Variants in SHTN1 observed in about 807,000 individuals in gnomAD.
SHTN1 encodes shootin 1.
In SHTN1, 42 loss-of-function variants were observed where a neutral mutation model predicts 83.1. The observed-to-expected ratio is 0.51, with a 90% CI of 0.39 to 0.65. SHTN1 has a LOEUF of 0.65. SHTN1 is among the 30% of genes least tolerant of loss of function. The pLI is 0.00. For missense variants in SHTN1, 622 were observed against 737.8 expected, an observed-to-expected ratio of 0.84 and a Z score of 1.82; for synonymous variants, 224 against 247.7, an observed-to-expected ratio of 0.90 and a Z score of 0.90.
chr10:117,058,358 G>C (rs1450872269), intron 1 of SHTN1, among the ~76,000 whole-genome samples: 1 of 152,062 alleles, frequency 6.6e-6, no homozygotes, highest in Non-Finnish European at 1.5e-5. Context: ...TTCAAAAATA[G>C]GCAAATGAAT....
At chr10:116,989,807 T>C (rs964979214) in intron 1 of SHTN1, among the ~76,000 whole-genome samples, 4 of 152,250 alleles carry the variant, frequency 2.6e-5, no homozygotes, top group Non-Finnish European at 5.9e-5. Context: ...GGCCTCGCGA[T>C]GTGCATTGCA....
intron 1 of SHTN1, among the ~76,000 whole-genome samples, chr10:116,990,097 T>A (rs1466872054): frequency 6.6e-6 from 1 of 151,886 alleles, no homozygotes; most frequent in Non-Finnish European, 1.5e-5. Context: ...AAGGTAAAAA[T>A]TTTTCCTTGT....
intron 11 of SHTN1, among the ~76,000 whole-genome samples, chr10:116,926,394 A>AT (rs1465231283): frequency 6.6e-6 from 1 of 152,214 alleles, no homozygotes; most frequent in Non-Finnish European, 1.5e-5. Context: ...CAAATCCAGA[A>AT]TATCTCCTAC....
intron 1 of SHTN1, among the ~76,000 whole-genome samples, chr10:116,982,534 G>T (rs1851062778): frequency 6.6e-6 from 1 of 152,162 alleles, no homozygotes; most frequent in Admixed American, 6.5e-5. Flanking sequence ...CAATGTTACG[G>T]GGTCGCAGAG....
intron 16 of SHTN1, 33 bp downstream of exon 16, chr10:116,901,732 A>G: frequency 2.6e-6 from 4 of 1,535,912 alleles, no homozygotes; most frequent in African/African-American, 2.8e-5. Flanking sequence ...AGATTCTTCT[A>G]TACACCACTT....
At chr10:117,109,908 T>C (rs1853740783) in intron 1 of SHTN1, among the ~76,000 whole-genome samples, 1 of 152,148 alleles carries the variant, frequency 6.6e-6, no homozygotes, top group African/African-American at 2.4e-5. Flanking sequence ...CTTCAGAATA[T>C]TACCTTATAA....
intron 1 of SHTN1, among the ~76,000 whole-genome samples, chr10:117,082,443 G>C (rs1346385523): frequency 4.0e-5 from 6 of 150,256 alleles, no homozygotes; most frequent in African/African-American, 1.2e-4. Flanking sequence ...GCTGAGGAGA[G>C]CTTTACTTCC....
At chr10:116,940,325 G>A in intron 9 of SHTN1, 141 bp downstream of exon 9, 1 of 712,792 alleles carries the variant, frequency 1.4e-6, no homozygotes, top group Middle Eastern at 3.6e-4. Flanking sequence ...TCTAAAAGGT[G>A]GTTGAAAGCA....
intron 1 of SHTN1, among the ~76,000 whole-genome samples, chr10:116,980,070 G>GAA (rs72390870): frequency 6.9e-6 from 1 of 144,882 alleles, no homozygotes. Context: ...CCCCTGCCCA[G>GAA]AAAAAAAAAA....
intron 1 of SHTN1, among the ~76,000 whole-genome samples, chr10:117,121,007 C>T (rs1853916838): frequency 6.6e-6 from 1 of 151,856 alleles, no homozygotes; most frequent in Non-Finnish European, 1.5e-5. Flanking sequence ...ACGGGGTTTC[C>T]CCATGTTGGC....
chr10:117,040,848 T>C (rs1837815977), intron 2 of SHTN1, among the ~76,000 whole-genome samples: 1 of 152,072 alleles, frequency 6.6e-6, no homozygotes, highest in Admixed American at 6.5e-5. Context: ...ACAAACATGA[T>C]TCATTGAAAA....
chr10:116,905,062 G>A (rs1489888034), intron 15 of SHTN1, among the ~76,000 whole-genome samples: 2 of 151,646 alleles, frequency 1.3e-5, no homozygotes, highest in Admixed American at 6.6e-5. Flanking sequence ...TTAGCCGGGC[G>A]CGGTGGCGGG....
At chr10:116,945,136 AT>A in intron 7 of SHTN1, 118 bp from the exon 8 acceptor site, 1 of 679,742 alleles carries the variant, frequency 1.5e-6, no homozygotes, top group Non-Finnish European at 2.6e-6. Flanking sequence ...ACCCTCATGC[AT>A]TCCTGGTTGG....
At chr10:116,958,992 TAG>T (rs1247549933) in intron 4 of SHTN1, among the ~76,000 whole-genome samples, 1 of 151,996 alleles carries the variant, frequency 6.6e-6, no homozygotes, top group East Asian at 1.9e-4. Flanking sequence ...CAAGAAAAAA[TAG>T]AGAGTATATC....
intron 9 of SHTN1, among the ~76,000 whole-genome samples, chr10:116,932,830 C>T (rs1028514418): frequency 6.6e-6 from 1 of 152,118 alleles, no homozygotes; most frequent in African/African-American, 2.4e-5. Context: ...TAACTTTAAT[C>T]TTTAGTACCC....
chr10:116,983,967 ATGACAT>A (rs1851137934), intron 1 of SHTN1, among the ~76,000 whole-genome samples: 1 of 152,314 alleles, frequency 6.6e-6, no homozygotes, highest in South Asian at 2.1e-4. Flanking sequence ...GCTGCAAATC[ATGACAT>A]AGCCAGCCCA....
At chr10:116,908,206 T>C (rs1406645785) in intron 14 of SHTN1, among the ~76,000 whole-genome samples, 1 of 152,320 alleles carries the variant, frequency 6.6e-6, no homozygotes, top group East Asian at 1.9e-4. Context: ...TCAACTGGTT[T>C]GCAAAAGACT....
chr10:117,067,343 C>T (rs993727345), intron 1 of SHTN1, among the ~76,000 whole-genome samples: 7 of 152,202 alleles, frequency 4.6e-5, no homozygotes, highest in African/African-American at 1.7e-4. Flanking sequence ...ATAATCCCAG[C>T]ACTTTGGGAG....
chr10:116,926,466 G>C (rs1195070009), intron 11 of SHTN1, among the ~76,000 whole-genome samples: 3 of 152,106 alleles, frequency 2.0e-5, no homozygotes, highest in African/African-American at 7.2e-5. Context: ...ATTGACTCTT[G>C]GATCGATCAC....
Sources: gnomAD v4.1 joint callset for allele counts (sites outside exome capture counted in the v4.1 genomes callset) on GRCh38, gnomAD v4.1.1 for gene constraint, MANE v1.5 for transcripts, NCBI Gene and HGNC (gene_info 2026-07-23, HGNC 2026-07-21) for gene names.